The following VGLL4 variants were observed in gnomAD, a reference collection of about 807,000 sequenced individuals.
The protein encoded by VGLL4 is transcription cofactor vestigial-like protein 4.
Under a neutral mutation model 21.0 loss-of-function variants are expected in VGLL4, and 7 were observed. That is an observed-to-expected ratio of 0.33 (90% CI 0.19 to 0.63). VGLL4 has a LOEUF of 0.63. Ranked by LOEUF, VGLL4 falls within the 20% of genes least tolerant of loss-of-function variation. The pLI is 0.78. For synonymous variants in VGLL4, 222 were observed against 173.2 expected (o/e 1.28, Z -2.21); for missense variants, 394 against 425.7 (o/e 0.93, Z 0.66).
At chr3:11,559,144 T>G (rs1291203693) in intron 4 of VGLL4, among the ~76,000 whole-genome samples, 188 bp downstream of exon 4, 1 of 152,198 alleles carries the variant, frequency 6.6e-6, no homozygotes, top group Non-Finnish European at 1.5e-5. Flanking sequence ...AGGCGGTGTG[T>G]TTCTCATGCC....
Position 11,656,424 on chromosome 3 carries a change from G to A in VGLL4, c.64+46547C>T, listed in dbSNP as rs567470827. ...CCCCGGAGGCTAGAGGAGTTCCCAG[G>A]GGTGCTGGTGTTGGCAGGGCCTTTA... On this transcript the variant is annotated intron_variant, in intron 2 of 5. Transcript: ENST00000273038. Among the ~76,000 whole-genome samples, 6 of 152,306 alleles carry A rather than the reference G, an allele frequency of 3.9e-5. No homozygotes were observed. The East Asian group carries it at 7.7e-4, about 20-fold the overall frequency.
At chr3:11,575,314 C>T (rs757739502) in intron 2 of VGLL4, among the ~76,000 whole-genome samples, 2 of 152,208 alleles carry the variant, frequency 1.3e-5, no homozygotes, top group Admixed American at 6.5e-5. Flanking sequence ...TCTCTAACTG[C>T]GCCAAGGGTT....
At chr3:11,581,658 T>C (rs2074231778) in intron 2 of VGLL4, among the ~76,000 whole-genome samples, 1 of 152,212 alleles carries the variant, frequency 6.6e-6, no homozygotes. Context: ...GGTCCTGCAC[T>C]CTAAGGCAAC....
intron 2 of VGLL4, among the ~76,000 whole-genome samples, chr3:11,683,759 A>G (rs1012835575): frequency 6.6e-6 from 1 of 151,690 alleles, no homozygotes; most frequent in African/African-American, 2.4e-5. Context: ...AGACGACTGC[A>G]CTCCAGCCTG....
At chr3:11,632,628 T>G (rs1030377113) in intron 1 of VGLL4, among the ~76,000 whole-genome samples, 1 of 152,244 alleles carries the variant, frequency 6.6e-6, no homozygotes, top group Non-Finnish European at 1.5e-5. Context: ...CAAATTCATA[T>G]TCTGAAGTTT....
chr3:11,653,635 C>T lies in VGLL4; in HGVS notation c.64+49336G>A, dbSNP rs1044091256. On this transcript the variant is annotated intron_variant, in intron 2 of 5. Transcript: ENST00000273038. This position sits in a 1 kb window ranked among gnomAD's most constrained non-coding sequence, Gnocchi z 4.2. ...TATCAGCCTCGGAATGCATTTCTGT[C>T]GCACATGTACTCAGAAGCAGATACG... is the stretch of plus-strand genomic sequence containing the variant. Among the ~76,000 whole-genome samples, 4 of 152,116 alleles carry T rather than the reference C, an allele frequency of 2.6e-5. No homozygotes were observed. The South Asian group carries it at 6.2e-4, about 24-fold the overall frequency.
At chr3:11,670,117 C>CAA (rs370254388) in intron 2 of VGLL4, among the ~76,000 whole-genome samples, 3 of 131,810 alleles carry the variant, frequency 2.3e-5, no homozygotes, top group Non-Finnish European at 5.0e-5. Context: ...GTTTCTAAAA[C>CAA]AAAAAAAAAA....
At chr3:11,713,522 T>C (rs1229504161) in intron 1 of VGLL4, among the ~76,000 whole-genome samples, 1 of 149,958 alleles carries the variant, frequency 6.7e-6, no homozygotes, top group African/African-American at 2.5e-5. Flanking sequence ...CAATATATCT[T>C]CATGTTCTAT....
chr3:11,701,189 TG>T (rs2076676185), intron 2 of VGLL4, among the ~76,000 whole-genome samples: 1 of 152,136 alleles, frequency 6.6e-6, no homozygotes. Flanking sequence ...CCCTCATGAA[TG>T]GCACGGTGAT....
chr3:11,559,414 G>A lies in VGLL4; in HGVS notation c.537C>T (p.Arg179=), dbSNP rs887593425. 1.2e-5 allele frequency: 18 copies of A among 1,563,242 alleles called. No individual in the cohort carries two copies. Among genetic ancestry groups the A allele is most frequent in the Non-Finnish European group, 1.5e-5 (17 of 1,154,938 alleles). The stretch of plus-strand genomic sequence containing the variant: ...TGGGGCAGTGCGAGAGGTTGCAGTT[G>A]CGGGCGCCAGCCGAGGCACAGGTGA... ...SVITCASAGA[R]NCNLSHCPIA... The change falls in exon 4 of 5, where the codon CGC becomes CGT. Residue 179 remains arginine, a synonymous_variant. Coordinates refer to ENST00000430365, the MANE Select transcript of VGLL4 (RefSeq NM_001128219.3).
At chr3:11,574,785 A>ATGTATGTG (rs1553723624) in intron 2 of VGLL4, among the ~76,000 whole-genome samples, 10 of 121,778 alleles carry the variant, frequency 8.2e-5, no homozygotes, top group African/African-American at 2.9e-4. Context: ...TCAACTATAT[A>ATGTATGTG]TGTGTGTGTG....
intron 2 of VGLL4, among the ~76,000 whole-genome samples, chr3:11,676,411 TA>T (rs1310349004): frequency 3.4e-5 from 1 of 29,308 alleles, no homozygotes; most frequent in African/African-American, 8.3e-5. Flanking sequence ...AAAAAAAAAA[TA>T]AAATAATAAT....
chr3:11,708,183 T>C (rs2076788331), intron 1 of VGLL4, among the ~76,000 whole-genome samples: 1 of 152,176 alleles, frequency 6.6e-6, no homozygotes, highest in Non-Finnish European at 1.5e-5. Flanking sequence ...GAGAAGTGAA[T>C]GGGCCTTATA....
chr3:11,578,745 TTTC>T (rs2074132056), intron 2 of VGLL4, among the ~76,000 whole-genome samples: 1 of 96,740 alleles, frequency 1.0e-5, no homozygotes, highest in Non-Finnish European at 2.0e-5. Flanking sequence ...TACTGTATAT[TTTC>T]TTTTTTTTTT....
At chr3:11,650,162 T>C (rs1037610394) in intron 2 of VGLL4, among the ~76,000 whole-genome samples, 8 of 152,174 alleles carry the variant, frequency 5.3e-5, no homozygotes, top group African/African-American at 1.9e-4. Flanking sequence ...CTTGAACTCC[T>C]GGCCTTAAGC....
chr3:11,628,646 C>T (rs1005800164), intron 1 of VGLL4, among the ~76,000 whole-genome samples: 3 of 151,060 alleles, frequency 2.0e-5, no homozygotes, highest in East Asian at 1.9e-4. Flanking sequence ...CGGTGAAACC[C>T]CGTCTCTACT....
intron 2 of VGLL4, among the ~76,000 whole-genome samples, chr3:11,593,645 G>T (rs1016896110): frequency 6.6e-6 from 1 of 152,190 alleles, no homozygotes; most frequent in Non-Finnish European, 1.5e-5. Flanking sequence ...AAGAGGGAGG[G>T]AAGAGGAGGA....
At chr3:11,560,152 C>A (rs924842087) in intron 3 of VGLL4, among the ~76,000 whole-genome samples, 2 of 152,168 alleles carry the variant, frequency 1.3e-5, no homozygotes, top group African/African-American at 2.4e-5. Context: ...CACCGCCCCA[C>A]CACCACCGCT....
chr3:11,630,914 T>TTA lies in VGLL4; in HGVS notation c.82+12521_82+12522dup, dbSNP rs149295472. Among the ~76,000 whole-genome samples, 1,251 of 152,118 alleles carry TTA rather than the reference T, an allele frequency of 8.2e-3. 16 individuals are homozygous for TTA. Among genetic ancestry groups the TTA allele is most frequent in the African/African-American group, 0.028 (1,178 of 41,384 alleles). On this transcript the variant is annotated intron_variant, in intron 1 of 4. Coordinates refer to ENST00000430365, the MANE Select transcript of VGLL4 (RefSeq NM_001128219.3). ...AATGGTTAAAATAATACGTTTTATG[T>TTA]TATATATATACTTGGCCACAGAATA...
Sources: gnomAD v4.1 joint callset for allele counts (sites outside exome capture counted in the v4.1 genomes callset) on GRCh38, gnomAD v4.1.1 for gene constraint, Gnocchi (gnomAD v3.1) non-coding constraint, MANE v1.5 for transcripts, NCBI Gene and HGNC (gene_info 2026-07-23, HGNC 2026-07-21) for gene names.